Variants in PXDN observed in about 807,000 individuals in gnomAD.
The protein encoded by PXDN is peroxidasin homolog.
Under a neutral mutation model 140.3 loss-of-function variants are expected in PXDN, and 77 were observed. The ratio of observed to expected loss-of-function variants is 0.55; its 90% CI spans 0.46 to 0.66. PXDN has a LOEUF of 0.66. PXDN is among the 30% of genes least tolerant of loss of function. PXDN has a pLI of 0.00. For synonymous variants in PXDN, 911 were observed against 857.4 expected (o/e 1.06, Z -1.09); for missense variants, 1,838 against 2,039.5 (o/e 0.90, Z 1.90).
In PXDN at chr2:1,735,864, T is replaced by C. The variant is rs564405839; in HGVS notation, c.200+8392A>G. On this transcript the variant is annotated intron_variant, in intron 1 of 22. Coordinates refer to ENST00000252804, the MANE Select transcript of PXDN (RefSeq NM_012293.3). ...AGTCCTAGATGGCATCTTCTTCCCA[T>C]AGAAGGCTGCTTTGTCCACATTAAA... 3.3e-5 allele frequency among the ~76,000 whole-genome samples: 5 copies of C among 152,338 alleles called. No individual in the cohort carries two copies. The East Asian group carries it at 7.7e-4, about 24-fold the overall frequency.
chr2:1,646,382 T>A (rs184270588), intron 17 of PXDN, among the ~76,000 whole-genome samples: 2 of 152,200 alleles, frequency 1.3e-5, no homozygotes, highest in African/African-American at 2.4e-5. Flanking sequence ...GAGAGAATCA[T>A]CTGGGAGAGT....
chr2:1,657,940 T>C (rs1168796062), intron 14 of PXDN, among the ~76,000 whole-genome samples: 1 of 131,854 alleles, frequency 7.6e-6, no homozygotes, highest in African/African-American at 2.9e-5. Flanking sequence ...CTGCCCCCTC[T>C]TGCCCCCTCC....
At chr2:1,666,065 C>T (rs1054137903) in intron 10 of PXDN, 149 bp downstream of exon 10, 74 of 1,142,702 alleles carry the variant, frequency 6.5e-5, no homozygotes, top group Non-Finnish European at 8.5e-5. Flanking sequence ...TGTATTTAGT[C>T]CAAGGGGGGT....
rs1463590562 is a variant in PXDN at position 1,706,622 on chromosome 2, C to G, written c.201-13488G>C. ...CAATCAGCTCTAAGCATCGCCTGCC[C>G]CACTAATAATACAATCTGAGAGCAT... On this transcript the variant is annotated intron_variant, in intron 1 of 22. Transcript: ENST00000252804. Among the ~76,000 whole-genome samples, 2 of 85,974 alleles carry G rather than the reference C, an allele frequency of 2.3e-5. 1 individual carries two copies. Among genetic ancestry groups the G allele is most frequent in the African/African-American group, 1.4e-4 (2 of 14,090 alleles). 56.4% of individuals were successfully genotyped at this position (85,974 alleles called of 152,430 possible). A position where few individuals can be genotyped will look rare whatever the true frequency, so the allele number is the denominator to read the frequency against.
chr2:1,720,724 T>TCTCTCTCACACA (rs1410992286), intron 1 of PXDN, among the ~76,000 whole-genome samples: 4 of 28,114 alleles, frequency 1.4e-4, no homozygotes, highest in African/African-American at 3.0e-4. Context: ...TCTCTCTCTC[T>TCTCTCTCACACA]CACACACACA....
intron 21 of PXDN, chr2:1,635,738 G>A: frequency 1.8e-6 from 1 of 549,708 alleles, no homozygotes. Context: ...CCACCGTGCT[G>A]TCAAATAAAA....
At chr2:1,672,129 G>A (rs1683592504) in intron 9 of PXDN, 1 of 152,274 alleles carries the variant, frequency 6.6e-6, no homozygotes, top group African/African-American at 2.4e-5. Context: ...GTTCCCCCAT[G>A]CTGCAGTGAC....
Position 1,663,829 on chromosome 2 carries a change from A to G in PXDN, c.1409-66T>C, listed in dbSNP as rs1683367414. The G allele has an allele frequency of 3.1e-5, 48 of 1,567,486 alleles. No homozygotes were observed. In the South Asian group the frequency reaches 5.4e-4, roughly 18 times the overall value. On this transcript the variant is annotated intron_variant, in intron 11 of 22. Coordinates refer to ENST00000252804, the MANE Select transcript of PXDN (RefSeq NM_012293.3). ...ATGGAGAACTCCTGCTCTCAGACTG[A>G]CAGCATGACCACAGAAGCTTGTCTC...
chr2:1,695,172 T>C (rs1684273174), intron 1 of PXDN, among the ~76,000 whole-genome samples: 1 of 152,190 alleles, frequency 6.6e-6, no homozygotes, highest in African/African-American at 2.4e-5. Context: ...ACTTGGCTCC[T>C]GGAGCCTGGG....
chr2:1,647,975 C>T (rs1024216031), intron 17 of PXDN, among the ~76,000 whole-genome samples, 197 bp downstream of exon 17: 2 of 152,178 alleles, frequency 1.3e-5, no homozygotes, highest in African/African-American at 4.8e-5. Context: ...CCACCCCTGG[C>T]TCTGCCCCCT....
At chr2:1,688,474 T>G (rs947148028) in intron 3 of PXDN, among the ~76,000 whole-genome samples, 3 of 152,060 alleles carry the variant, frequency 2.0e-5, no homozygotes, top group African/African-American at 7.2e-5. Context: ...AGGATGAAAA[T>G]TTCCACACCA....
At chr2:1,713,678 G>A (rs1684833634) in intron 1 of PXDN, among the ~76,000 whole-genome samples, 1 of 152,240 alleles carries the variant, frequency 6.6e-6, no homozygotes, top group African/African-American at 2.4e-5. Context: ...ATGCTCGTGT[G>A]CTCCTGGTCC....
chr2:1,678,005 A>G (rs757753537), intron 7 of PXDN, among the ~76,000 whole-genome samples: 8 of 152,070 alleles, frequency 5.3e-5, no homozygotes, highest in Non-Finnish European at 1.2e-4. Context: ...CCTCGACCCA[A>G]CTTGGGGCTG....
intron 9 of PXDN, among the ~76,000 whole-genome samples, chr2:1,667,088 G>A (rs751115776): frequency 6.6e-6 from 1 of 152,024 alleles, no homozygotes; most frequent in Non-Finnish European, 1.5e-5. Flanking sequence ...TGACACTGAA[G>A]ATGTGCACAC....
chr2:1,692,070 C>A (rs1684193366), intron 2 of PXDN, 71 bp from the exon 3 acceptor site: 1 of 1,137,936 alleles, frequency 8.8e-7, no homozygotes, highest in Non-Finnish European at 1.2e-6. Context: ...TTAAAACATT[C>A]CGACAGCCTT....
intron 1 of PXDN, among the ~76,000 whole-genome samples, chr2:1,739,165 C>T (rs1203971013): frequency 1.3e-5 from 2 of 152,160 alleles, no homozygotes; most frequent in Non-Finnish European, 2.9e-5. Flanking sequence ...GCGTGCCACA[C>T]AGACCATCTG....
intron 1 of PXDN, among the ~76,000 whole-genome samples, chr2:1,715,100 TTAAAAAA>T (rs1209085957): frequency 6.6e-6 from 1 of 152,120 alleles, no homozygotes; most frequent in African/African-American, 2.4e-5. Flanking sequence ...TCCATGGGTG[TTAAAAAA>T]TAAAATCAGT....
At chr2:1,634,869 A>G (rs931167670) in intron 22 of PXDN, among the ~76,000 whole-genome samples, 89 of 152,272 alleles carry the variant, frequency 5.8e-4, no homozygotes, top group African/African-American at 2.1e-3. Flanking sequence ...CTATGCCCCA[A>G]GCTTTCCACG....
rs1217478234 is a variant in PXDN at position 1,744,363 on chromosome 2, C to T, written c.93G>A (p.Lys31=). 2 of 1,527,050 alleles carry T rather than the reference C, an allele frequency of 1.3e-6. No homozygotes were observed. Among genetic ancestry groups the T allele is most frequent in the East Asian group, 2.5e-5 (1 of 40,008 alleles). 94.6% of individuals were successfully genotyped at this position (1,527,050 alleles called of 1,614,324 possible). The part of the protein sequence containing the change: ...AWGTLAVVAQ[K]PGAGCPSRCL... Reference sequence around the variant, plus strand: ...AGCGGCTCGGACACCCTGCGCCCGGCTTCTGGGCCACCACGGCCAGCGTCC... The same window carrying T: ...AGCGGCTCGGACACCCTGCGCCCGGTTTCTGGGCCACCACGGCCAGCGTCC... The change falls in exon 1 of 23, where the codon AAG becomes AAA. Residue 31 remains lysine, a synonymous_variant. Transcript: ENST00000252804.
Sources: allele counts gnomAD v4.1 joint callset (sites outside exome capture counted in the v4.1 genomes callset), GRCh38; gene constraint gnomAD v4.1.1; transcripts MANE v1.5; gene names NCBI Gene and HGNC (gene_info 2026-07-23, HGNC 2026-07-21).